Variants in KLK5 observed in about 807,000 individuals in gnomAD.
The protein encoded by KLK5 is kallikrein-5.
In KLK5, 18 loss-of-function variants were observed where a neutral mutation model predicts 24.0. The ratio of observed to expected loss-of-function variants is 0.75; its 90% CI spans 0.52 to 1.11. The LOEUF is 1.11. Among genes scored for constraint, KLK5 ranks in the 50% most tolerant of loss-of-function variants. KLK5 has a pLI of 0.00. For missense variants in KLK5, 374 were observed against 379.2 expected (o/e 0.99, Z 0.11); for synonymous variants, 140 against 154.0 (o/e 0.91, Z 0.67).
At position 50,950,041 on chromosome 19, in the gene KLK5, A is replaced by G. The variant is rs200962284; in HGVS notation, c.149T>C (p.Leu50Pro). The stretch of plus-strand genomic sequence containing the variant: ...GGCGTCTTCCCCGGCCCCAGCTCCC[A>G]GGTCCTGGTTGCTCCCAGAGGGCAC... ...NTVPSGSNQD[L>P]GAGAGEDARS... Residue 50 changes from leucine to proline, a missense_variant, in exon 3 of 6, where the codon CTG becomes CCG. Leu to Pro is a moderately conservative substitution (Grantham distance 98, BLOSUM62 -3). Coordinates refer to ENST00000336334, the MANE Select transcript of KLK5 (RefSeq NM_012427.5). 3.5e-5 allele frequency: 56 copies of G among 1,613,720 alleles called. No homozygotes were observed. The East Asian group carries it at 1.2e-3, about 35-fold the overall frequency.
chr19:50,952,388 TC>T (rs1157367181), intron 2 of KLK5, among the ~76,000 whole-genome samples, 196 bp downstream of exon 2: 1 of 151,516 alleles, frequency 6.6e-6, no homozygotes, highest in East Asian at 1.9e-4. Context: ...GGAAAAGGCA[TC>T]CCCCTCCCCG....
At chr19:50,944,226 C>T (rs1016698357) in intron 5 of KLK5, among the ~76,000 whole-genome samples, 2 of 151,964 alleles carry the variant, frequency 1.3e-5, no homozygotes, top group Non-Finnish European at 2.9e-5. Context: ...AGGCTGGTCT[C>T]GAACTCCTGG....
Position 50,949,785 on chromosome 19 carries a change from A to AC in KLK5, c.335+69dup. ...CAGCCCTCACCTCCATGACACCCCC[A>AC]CCCCCACTTCCCCACCCCCACCCCC... On this transcript the variant is annotated intron_variant, in intron 3 of 5. Transcript: ENST00000336334. 28 of 253,188 alleles carry AC rather than the reference A, an allele frequency of 1.1e-4. 1 individual carries two copies. The highest frequency in any genetic ancestry group is 3.2e-4 in the South Asian group (10 of 30,774). 15.7% of individuals were successfully genotyped at this position (253,188 alleles called of 1,614,324 possible).
rs1412940806 is a variant in KLK5, at chr19:50,952,641, G to T, written c.17C>A (p.Pro6His). 1 of 1,601,400 alleles carries T rather than the reference G, an allele frequency of 6.2e-7. No individual in the cohort carries two copies. The highest frequency in any genetic ancestry group is 1.1e-5 in the South Asian group (1 of 89,570). Residue 6 changes from proline to histidine, a missense_variant, in exon 2 of 6, where the codon CCC becomes CAC. Transcript: ENST00000336334. ...AGCACAGAGCACCCACATCCAGGGG[G>T]GTCTTGCTGTAGCCATGGCCGCTGC... is the stretch of plus-strand genomic sequence containing the variant. MATAR[P>H]PWMWVLCALI...
intron 5 of KLK5, among the ~76,000 whole-genome samples, chr19:50,944,139 G>C (rs529688108): frequency 1.3e-5 from 2 of 152,074 alleles, no homozygotes; most frequent in Admixed American, 1.3e-4. Context: ...AAGTAGCTGT[G>C]ACTACAGGTG....
At position 50,952,591 on chromosome 19, in the gene KLK5, C is replaced by T. The variant is rs751010101; in HGVS notation, c.67G>A (p.Val23Ile). The change falls in exon 2 of 6, where the codon GTC becomes ATC. Residue 23 changes from valine (V) to isoleucine (I), a missense_variant. Physicochemically the swap from Val to Ile is conservative, Grantham distance 29 (BLOSUM62 3). Transcript: ENST00000336334. ...CALITALLLG[V>I]TEHVLANNDV... The stretch of plus-strand genomic sequence containing the variant: ...ACCCCAGAGTTCTGGTTACCTGTGA[C>T]CCCCAGAAGCAAGGCTGTGATCAGA... The T allele has an allele frequency of 1.2e-6, 2 of 1,605,072 alleles. No individual in the cohort carries two copies. Among genetic ancestry groups the T allele is most frequent in the Admixed American group, 1.7e-5 (1 of 59,112 alleles).
rs1214002074 is a variant in KLK5 at position 50,943,715 on chromosome 19, A to C, written c.798T>G (p.Cys266Trp). The C allele has an allele frequency of 6.2e-7, 1 of 1,613,964 alleles. No individual in the cohort carries two copies. The highest frequency in any genetic ancestry group is 1.7e-5 in the Admixed American group (1 of 60,008). Residue 266 changes from cysteine to tryptophan, a missense_variant, in exon 6 of 6, where the codon TGT (cysteine) becomes TGG (tryptophan). By Grantham distance (215) the Cys-to-Trp change is radical. Transcript: ENST00000336334. ...AGACACCCGGTCTGTTGGGCCGGGC[A>C]CAAGGGTAATCTCCCCAGGACACGA... is the stretch of plus-strand genomic sequence containing the variant. Reference protein sequence around the residue: ...QGLVSWGDYPCARPNRPGVYT... With the variant: ...QGLVSWGDYPWARPNRPGVYT...
At position 50,945,500 on chromosome 19, in the gene KLK5, G is replaced by A. The variant is rs537720662; in HGVS notation, c.727-1714C>T. Among the ~76,000 whole-genome samples, 27 of 151,868 alleles carry A rather than the reference G, an allele frequency of 1.8e-4. 1 individual carries two copies. In the South Asian group the frequency reaches 2.5e-3, roughly 14 times the overall value. On this transcript the variant is annotated intron_variant, in intron 5 of 5. Coordinates refer to ENST00000336334, the MANE Select transcript of KLK5 (RefSeq NM_012427.5). ...ACCTCTGTTTGAGGTAGAGAGAAAT[G>A]TCTATCTCCCACCTGGGCACGGTGG...
rs1482541675 is a variant in KLK5 at position 50,947,050 on chromosome 19, C to T, written c.726+1590G>A. Among the ~76,000 whole-genome samples the T allele has an allele frequency of 6.6e-6, 1 of 152,128 alleles. No individual in the cohort carries two copies. On this transcript the variant is annotated intron_variant, in intron 5 of 5. Coordinates refer to ENST00000336334, the MANE Select transcript of KLK5 (RefSeq NM_012427.5). This position sits in a 1 kb window ranked among gnomAD's most constrained non-coding sequence, Gnocchi z 8.7. ...CAGCTTCCTAACTACTGTTGAAACA[C>T]ACACCCTGCTAATGAGAGCTTGTTA...
At chr19:50,952,074 G>A (rs1485935157) in intron 2 of KLK5, among the ~76,000 whole-genome samples, 1 of 148,154 alleles carries the variant, frequency 6.7e-6, no homozygotes, top group East Asian at 2.0e-4. Context: ...CATCCATAAC[G>A]TCACACTCAG....
chr19:50,948,676 G>A lies in KLK5; in HGVS notation c.690C>T (p.Phe230=), dbSNP rs2090656111. The A allele has an allele frequency of 6.2e-7, 1 of 1,614,174 alleles. No homozygotes were observed. Among genetic ancestry groups the A allele is most frequent in the Non-Finnish European group, 8.5e-7 (1 of 1,180,042 alleles). Residue 230 remains phenylalanine (F), a synonymous_variant, in exon 5 of 6, where the codon TTC becomes TTT. Coordinates refer to ENST00000336334, the MANE Select transcript of KLK5 (RefSeq NM_012427.5). ...CTCTACCTGCTTTGTCACCGGCGCA[G>A]AACATGGTGTCATCTATCTGTCTCG... ...AYPRQIDDTM[F]CAGDKAGRDS...
chr19:50,949,063 C>G lies in KLK5; in HGVS notation c.388G>C (p.Gly130Arg). 1 of 1,613,716 alleles carries G rather than the reference C, an allele frequency of 6.2e-7. No individual in the cohort carries two copies. The highest frequency in any genetic ancestry group is 8.5e-7 in the Non-Finnish European group (1 of 1,179,976). Residue 130 changes from glycine (G) to arginine (R), a missense_variant, in exon 4 of 6, where the codon GGG becomes CGG. Gly to Arg is a moderately radical substitution (Grantham distance 125). Transcript: ENST00000336334. ...TTGACCCCCTGGAACATCTGCTGCC[C>G]AGATTCATAAACTGGTGACAGGGAG... ...HYSLSPVYES[G>R]QQMFQGVKSI...
intron 3 of KLK5, among the ~76,000 whole-genome samples, chr19:50,949,410 C>T (rs963280176): frequency 6.6e-6 from 1 of 151,754 alleles, no homozygotes; most frequent in East Asian, 1.9e-4. Flanking sequence ...CCCCATCCTT[C>T]ATTCTATATC....
chr19:50,948,888 G>C lies in KLK5; in HGVS notation c.563C>G (p.Ser188Cys). 6.2e-7 allele frequency: 1 copy of C among 1,614,064 alleles called. No homozygotes were observed. Among genetic ancestry groups the C allele is most frequent in the Non-Finnish European group, 8.5e-7 (1 of 1,180,010 alleles). Residue 188 changes from serine to cysteine, a missense_variant, in exon 4 of 6, where the codon TCT (serine) becomes TGT (cysteine). Physicochemically the swap from Ser to Cys is moderately radical, Grantham distance 112. Coordinates refer to ENST00000336334, the MANE Select transcript of KLK5 (RefSeq NM_012427.5). ...GGGGCTCTTGGTTGTCCCCCAGCCAGACACCAAGCACTTTGTCCCAGCAGA... is the reference window on the plus strand; with the variant it reads ...GGGGCTCTTGGTTGTCCCCCAGCCACACACCAAGCACTTTGTCCCAGCAGA... Reference protein sequence around the residue: ...CPSAGTKCLVSGWGTTKSPQV... With the variant: ...CPSAGTKCLVCGWGTTKSPQV...
intron 2 of KLK5, 79 bp downstream of exon 2, chr19:50,952,506 C>T: frequency 9.6e-7 from 1 of 1,045,606 alleles, no homozygotes; most frequent in Non-Finnish European, 1.4e-6. Flanking sequence ...TCACACAGTT[C>T]CCCAGGGGAC....
chr19:50,946,126 C>G lies in KLK5; in HGVS notation c.727-2340G>C, dbSNP rs1289645625. Among the ~76,000 whole-genome samples, 7 of 152,258 alleles carry G rather than the reference C, an allele frequency of 4.6e-5. No homozygotes were observed. The East Asian group carries it at 1.3e-3, about 29-fold the overall frequency. ...CAGACACTGTTTCAAAGCAAACAAG[C>G]TTAGCTGCCTGTACCTCTAAATTTC... On this transcript the variant is annotated intron_variant, in intron 5 of 5. Coordinates refer to ENST00000336334, the MANE Select transcript of KLK5 (RefSeq NM_012427.5).
At chr19:50,950,184 C>T in intron 2 of KLK5, 68 bp from the exon 3 acceptor site, 3 of 1,518,528 alleles carry the variant, frequency 2.0e-6, no homozygotes, top group Non-Finnish European at 2.7e-6. Context: ...GTTTCAGACT[C>T]AAGAGGCCAG....
Position 50,952,635 on chromosome 19 carries a change from C to G in KLK5, c.23G>C (p.Trp8Ser), listed in dbSNP as rs1390177367. The G allele has an allele frequency of 1.2e-6, 2 of 1,603,406 alleles. No homozygotes were observed. Among genetic ancestry groups the G allele is most frequent in the African/African-American group, 2.7e-5 (2 of 74,386 alleles). MATARPP[W>S]MWVLCALITA... ...GATCAGAGCACAGAGCACCCACATC[C>G]AGGGGGGTCTTGCTGTAGCCATGGC... Residue 8 changes from tryptophan to serine, a missense_variant, in exon 2 of 6, where the codon TGG becomes TCG. Trp to Ser is a radical substitution (Grantham distance 177). Transcript: ENST00000336334.
chr19:50,947,278 C>G lies in KLK5; in HGVS notation c.726+1362G>C, dbSNP rs10409028. 6.6e-6 allele frequency among the ~76,000 whole-genome samples: 1 copy of G among 152,120 alleles called. No individual in the cohort carries two copies. Among genetic ancestry groups the G allele is most frequent in the Non-Finnish European group, 1.5e-5 (1 of 68,010 alleles). On this transcript the variant is annotated intron_variant, in intron 5 of 5. Coordinates refer to ENST00000336334, the MANE Select transcript of KLK5 (RefSeq NM_012427.5). The surrounding 1 kb of genome is among the most constrained non-coding windows in gnomAD (Gnocchi z 8.7). ...CAGCGTCACTTTCTACTGTTGCCCC[C>G]ACTTTTGTTCTCCAGTTGCATTGGT...
Sources: allele counts gnomAD v4.1 joint callset (sites outside exome capture counted in the v4.1 genomes callset), GRCh38; gene constraint gnomAD v4.1.1; non-coding constraint Gnocchi (gnomAD v3.1); transcripts MANE v1.5; gene names NCBI Gene and HGNC (gene_info 2026-07-23, HGNC 2026-07-21).